Variants in KSR2 observed in about 807,000 individuals in gnomAD.
The protein encoded by KSR2 is kinase suppressor of ras 2.
A neutral mutation model predicts 107.8 loss-of-function variants in KSR2; 25 were observed. The ratio of observed to expected loss-of-function variants is 0.23; its 90% CI spans 0.17 to 0.32. KSR2 has a LOEUF of 0.32. Ranked by LOEUF, KSR2 falls within the 10% of genes least tolerant of loss-of-function variation. The probability of loss-of-function intolerance (pLI) is 1.00; values close to 1 mark genes in which losing one functional copy is unlikely to be tolerated. For synonymous variants in KSR2, 480 were observed against 507.0 expected (o/e 0.95, Z 0.71); for missense variants, 887 against 1,268.9 (o/e 0.70, Z 4.57).
At chr12:117,689,140 A>T (rs932288680) in intron 4 of KSR2, among the ~76,000 whole-genome samples, 9 of 152,214 alleles carry the variant, frequency 5.9e-5, no homozygotes, top group African/African-American at 2.2e-4. Context: ...ATGTATATAT[A>T]CATATTTATG....
chr12:117,673,562 G>T (rs563235772), intron 4 of KSR2, among the ~76,000 whole-genome samples: 1 of 152,184 alleles, frequency 6.6e-6, no homozygotes, highest in South Asian at 2.1e-4. Flanking sequence ...AGAATACATG[G>T]CTATTTGATT....
chr12:117,792,167 G>A (rs1378026056), intron 3 of KSR2, among the ~76,000 whole-genome samples: 1 of 130,352 alleles, frequency 7.7e-6, no homozygotes, highest in Non-Finnish European at 1.6e-5. Context: ...GTGAGACACA[G>A]TCTCTACAAA....
chr12:117,929,890 C>T (rs57403360), intron 1 of KSR2, among the ~76,000 whole-genome samples: 5,659 of 152,094 alleles, frequency 0.037, 184 homozygotes, highest in Middle Eastern at 0.12. Context: ...TTAATGAGGA[C>T]AGAGTTTCTA....
intron 3 of KSR2, among the ~76,000 whole-genome samples, chr12:117,830,293 A>C (rs1365483902): frequency 6.6e-6 from 1 of 151,884 alleles, no homozygotes; most frequent in African/African-American, 2.4e-5. Context: ...AAAAGTAGGA[A>C]CTAAACATTG....
chr12:117,832,816 G>A (rs895118205), intron 3 of KSR2, among the ~76,000 whole-genome samples: 12 of 152,216 alleles, frequency 7.9e-5, no homozygotes, highest in Non-Finnish European at 7.3e-5. Context: ...CCTTACCTAG[G>A]CACAGGCCAA....
chr12:117,683,418 A>G (rs972308487), intron 4 of KSR2, among the ~76,000 whole-genome samples: 3 of 152,200 alleles, frequency 2.0e-5, no homozygotes, highest in East Asian at 1.9e-4. Context: ...AATGGCTGCT[A>G]TAAGTCAGCT....
intron 1 of KSR2, among the ~76,000 whole-genome samples, chr12:117,935,994 C>T (rs1338900555): frequency 6.6e-6 from 1 of 152,062 alleles, no homozygotes; most frequent in Admixed American, 6.6e-5. Context: ...TTCCATAGTA[C>T]TTGTCACCTT....
intron 4 of KSR2, among the ~76,000 whole-genome samples, chr12:117,712,382 G>A (rs763799299): frequency 2.0e-5 from 3 of 152,150 alleles, no homozygotes; most frequent in Non-Finnish European, 4.4e-5. Context: ...AAGCCACAAA[G>A]ACCACACGTA....
At chr12:117,893,321 C>A (rs549768609) in intron 1 of KSR2, among the ~76,000 whole-genome samples, 1 of 152,026 alleles carries the variant, frequency 6.6e-6, no homozygotes, top group Non-Finnish European at 1.5e-5. Context: ...CCAGCGAGAC[C>A]ATATATAGAC....
At position 117,968,593 on chromosome 12, in the gene KSR2, G is replaced by T; in HGVS notation, c.-338C>A. 1.7e-6 allele frequency: 1 copy of T among 600,102 alleles called. No homozygotes were observed. The highest frequency in any genetic ancestry group is 2.2e-6 in the Non-Finnish European group (1 of 447,768). The allele number at this position is 600,102 out of a possible 1,614,324, so 37.2% of individuals were successfully genotyped here. A position where few individuals can be genotyped will look rare whatever the true frequency, so the allele number is the denominator to read the frequency against. Reference sequence around the variant, plus strand: ...CTGTACACTTAGGGAGGAGGAGGAGGAGGAAAAAGAAGAGGAGAAGGAGGA... The same window carrying T: ...CTGTACACTTAGGGAGGAGGAGGAGTAGGAAAAAGAAGAGGAGAAGGAGGA... On this transcript the variant is annotated 5_prime_UTR_variant, in exon 1 of 20. Coordinates refer to ENST00000339824, the MANE Select transcript of KSR2 (RefSeq NM_173598.6).
At chr12:117,712,306 C>A (rs1886815492) in intron 4 of KSR2, among the ~76,000 whole-genome samples, 1 of 152,154 alleles carries the variant, frequency 6.6e-6, no homozygotes, top group South Asian at 2.1e-4. Flanking sequence ...GGAAAATCTT[C>A]CCAAGAAGGG....
chr12:117,875,383 A>G (rs1294821132), intron 1 of KSR2, among the ~76,000 whole-genome samples: 4 of 142,242 alleles, frequency 2.8e-5, no homozygotes, highest in African/African-American at 8.0e-5. Context: ...GAAAGCTGGG[A>G]GGGAATGCAG....
At chr12:117,797,780 C>T (rs1354537402) in intron 3 of KSR2, among the ~76,000 whole-genome samples, 1 of 149,956 alleles carries the variant, frequency 6.7e-6, no homozygotes, top group Non-Finnish European at 1.5e-5. Flanking sequence ...CTCAGCCTCC[C>T]AAGTAGCTGG....
At chr12:117,776,952 G>A (rs1476138231) in intron 3 of KSR2, among the ~76,000 whole-genome samples, 1 of 151,800 alleles carries the variant, frequency 6.6e-6, no homozygotes, top group East Asian at 1.9e-4. Context: ...ATTGGCAAAT[G>A]CTGAACCATT....
chr12:117,845,659 C>G (rs943335698), intron 3 of KSR2, among the ~76,000 whole-genome samples: 17 of 151,480 alleles, frequency 1.1e-4, no homozygotes, highest in African/African-American at 4.1e-4. Context: ...GCCTTAAAAG[C>G]GGAACTGAGA....
chr12:117,674,348 T>C (rs772554308), intron 4 of KSR2: 1 of 484,834 alleles, frequency 2.1e-6, no homozygotes, highest in East Asian at 5.9e-5. Context: ...TTTTTGCTTT[T>C]TTGTTATACT....
intron 1 of KSR2, among the ~76,000 whole-genome samples, chr12:117,930,358 GTTC>G (rs1187219057): frequency 2.0e-5 from 3 of 152,084 alleles, no homozygotes; most frequent in Non-Finnish European, 2.9e-5. Context: ...TAAATAAGTT[GTTC>G]TTCATTATAC....
At chr12:117,925,738 T>C (rs1895496073) in intron 1 of KSR2, among the ~76,000 whole-genome samples, 2 of 152,174 alleles carry the variant, frequency 1.3e-5, no homozygotes, top group African/African-American at 4.8e-5. Flanking sequence ...TGGAAAAAAC[T>C]GAGGTACACA....
At chr12:117,802,950 C>T (rs971437518) in intron 3 of KSR2, among the ~76,000 whole-genome samples, 3 of 152,190 alleles carry the variant, frequency 2.0e-5, no homozygotes, top group Non-Finnish European at 2.9e-5. Context: ...TGCCTCGGTG[C>T]CATTTGACTG....
Sources: gnomAD v4.1 joint callset for allele counts (sites outside exome capture counted in the v4.1 genomes callset) on GRCh38, gnomAD v4.1.1 for gene constraint, MANE v1.5 for transcripts, NCBI Gene and HGNC (gene_info 2026-07-23, HGNC 2026-07-21) for gene names.